PRKG1: variants seen among roughly 807,000 people sequenced by gnomAD.
PRKG1 encodes the protein protein kinase cGMP-dependent 1.
In PRKG1, 35 loss-of-function variants were observed where a neutral mutation model predicts 88.1. That is an observed-to-expected ratio of 0.40 (90% CI 0.30 to 0.53). The LOEUF is 0.53. PRKG1 is among the 20% of genes least tolerant of loss of function. PRKG1 has a pLI of 0.59. For synonymous variants in PRKG1, 303 were observed against 292.5 expected (o/e 1.04, Z -0.37); for missense variants, 540 against 839.8 (o/e 0.64, Z 4.41).
rs372393673 is a variant in PRKG1 at position 51,994,488 on chromosome 10, T to C, written c.763-59996T>C. Among the ~76,000 whole-genome samples, 8 of 152,298 alleles carry C rather than the reference T, an allele frequency of 5.3e-5. No homozygotes were observed. The East Asian group carries it at 1.4e-3, about 26-fold the overall frequency. ...CTATCTAAGAACCCCTCTGGGCATT[T>C]CCTCACAGGAAATAGTGATTTTCTT... is the stretch of plus-strand genomic sequence containing the variant. On this transcript the variant is annotated intron_variant, in intron 5 of 17. Transcript: ENST00000373980.
At chr10:52,200,172 G>C (rs1839627658) in intron 9 of PRKG1, among the ~76,000 whole-genome samples, 1 of 152,014 alleles carries the variant, frequency 6.6e-6, no homozygotes, top group Non-Finnish European at 1.5e-5. Context: ...AATAACCATA[G>C]TATCTAACAG....
chr10:52,061,785 T>C (rs79024779), intron 6 of PRKG1, among the ~76,000 whole-genome samples: 1 of 152,192 alleles, frequency 6.6e-6, no homozygotes, highest in African/African-American at 2.4e-5. Flanking sequence ...TCCTACCAAA[T>C]GAAGCATGTG....
chr10:51,670,207 T>C (rs2132346364), intron 3 of PRKG1, among the ~76,000 whole-genome samples: 1 of 152,182 alleles, frequency 6.6e-6, no homozygotes, highest in African/African-American at 2.4e-5. Flanking sequence ...GGTTGGCCTA[T>C]ATTTTTTATC....
chr10:51,460,604 A>G (rs559172351), intron 2 of PRKG1, among the ~76,000 whole-genome samples: 8 of 152,296 alleles, frequency 5.3e-5, no homozygotes, highest in African/African-American at 1.9e-4. Context: ...ATCAGTCCAC[A>G]AACACTTATC....
At chr10:51,056,902 C>G (rs1267816026) in intron 1 of PRKG1, among the ~76,000 whole-genome samples, 2 of 152,186 alleles carry the variant, frequency 1.3e-5, no homozygotes, top group African/African-American at 4.8e-5. Flanking sequence ...CTTCCTCCAC[C>G]TATTCACATC....
intron 9 of PRKG1, among the ~76,000 whole-genome samples, chr10:52,224,589 C>T (rs1490704571): frequency 1.2e-4 from 5 of 41,794 alleles, no homozygotes; most frequent in South Asian, 6.2e-4. Flanking sequence ...GTCTATCCTT[C>T]GCCCCACCTC....
intron 9 of PRKG1, among the ~76,000 whole-genome samples, chr10:52,235,907 T>G (rs1436403714): frequency 1.1e-5 from 1 of 87,472 alleles, no homozygotes; most frequent in Non-Finnish European, 2.2e-5. Flanking sequence ...ATTGACCACA[T>G]AGTTGGAAGT....
intron 5 of PRKG1, among the ~76,000 whole-genome samples, chr10:51,943,433 A>G (rs1378979394): frequency 6.6e-6 from 1 of 152,002 alleles, no homozygotes; most frequent in Non-Finnish European, 1.5e-5. Context: ...TTCCTAATTG[A>G]ATACCTTTTA....
chr10:52,160,648 A>G (rs181056405), intron 8 of PRKG1, among the ~76,000 whole-genome samples: 1 of 152,150 alleles, frequency 6.6e-6, no homozygotes, highest in Admixed American at 6.6e-5. Context: ...ATAAAAAAGT[A>G]TATGTAAAAG....
intron 2 of PRKG1, among the ~76,000 whole-genome samples, chr10:51,392,756 G>C (rs1320861454): frequency 2.7e-4 from 38 of 142,944 alleles, no homozygotes; most frequent in African/African-American, 4.7e-4. Flanking sequence ...TGGCCGGGCG[G>C]GGGGCTGACC....
intron 3 of PRKG1, among the ~76,000 whole-genome samples, chr10:51,507,977 G>A (rs1841276371): frequency 6.6e-6 from 1 of 152,090 alleles, no homozygotes; most frequent in Non-Finnish European, 1.5e-5. Context: ...TCTAAAACAA[G>A]GAATTGTGAA....
chr10:51,553,748 GTATATATTAGATA>G, intron 3 of PRKG1, among the ~76,000 whole-genome samples: 3 of 135,556 alleles, frequency 2.2e-5, no homozygotes, highest in African/African-American at 7.7e-5. Flanking sequence ...TATAATATAT[GTATATATTAGATA>G]CGTGTATATA....
chr10:51,071,423 C>T (rs1843824727), upstream of PRKG1, among the ~76,000 whole-genome samples: 2 of 152,032 alleles, frequency 1.3e-5, no homozygotes, highest in South Asian at 4.2e-4. Flanking sequence ...AATAACACAG[C>T]CTGAGATAAC....
At chr10:51,636,966 A>G (rs1010292536) in intron 3 of PRKG1, among the ~76,000 whole-genome samples, 5 of 152,170 alleles carry the variant, frequency 3.3e-5, no homozygotes, top group Non-Finnish European at 4.4e-5. Flanking sequence ...AACAAATTGG[A>G]TTGGCTATAG....
At chr10:51,028,311 G>A (rs1843235780) in intron 1 of PRKG1, among the ~76,000 whole-genome samples, 1 of 152,118 alleles carries the variant, frequency 6.6e-6, no homozygotes, top group South Asian at 2.1e-4. Context: ...ATATCAGAAA[G>A]CATAAAATGA....
intron 1 of PRKG1, among the ~76,000 whole-genome samples, chr10:51,084,395 T>C (rs1844195573): frequency 6.6e-6 from 1 of 152,198 alleles, no homozygotes; most frequent in Non-Finnish European, 1.5e-5. Context: ...TATGAAAGGA[T>C]GGGAGTTCAT....
chr10:51,939,497 C>T (rs558157998), intron 5 of PRKG1, among the ~76,000 whole-genome samples: 3 of 152,104 alleles, frequency 2.0e-5, no homozygotes, highest in African/African-American at 7.2e-5. Flanking sequence ...CTTAACATTG[C>T]TTTGCTTCTT....
intron 5 of PRKG1, among the ~76,000 whole-genome samples, chr10:52,030,773 T>C (rs1279785892): frequency 6.6e-6 from 1 of 152,158 alleles, no homozygotes; most frequent in Non-Finnish European, 1.5e-5. Flanking sequence ...TTGAAAAAGT[T>C]AAATGCACCC....
At chr10:52,038,112 G>T (rs964877830) in intron 5 of PRKG1, among the ~76,000 whole-genome samples, 2 of 152,112 alleles carry the variant, frequency 1.3e-5, no homozygotes, top group Non-Finnish European at 1.5e-5. Context: ...GTTTGTATTG[G>T]GGTCAAGCAG....
Sources: gnomAD v4.1 joint callset for allele counts (sites outside exome capture counted in the v4.1 genomes callset) on GRCh38, gnomAD v4.1.1 for gene constraint, MANE v1.5 for transcripts, NCBI Gene and HGNC (gene_info 2026-07-23, HGNC 2026-07-21) for gene names.